The following ZNF254 variants were observed in gnomAD, a reference collection of about 807,000 sequenced individuals.
ZNF254 encodes the protein CTD-2017D11.1.
Under a neutral mutation model 12.4 loss-of-function variants are expected in ZNF254, and 10 were observed. The ratio of observed to expected loss-of-function variants is 0.80; its 90% CI spans 0.50 to 1.36. The LOEUF (loss-of-function observed/expected upper bound fraction) is 1.36. ZNF254 is among the 40% of genes most tolerant of loss of function. ZNF254 has a pLI of 0.00. For missense variants in ZNF254, 996 were observed against 763.9 expected (o/e 1.30, Z -3.58); for synonymous variants, 305 against 253.4 (o/e 1.20, Z -1.93).
chr19:24,115,892 T>A (rs553080797), intron 3 of ZNF254, among the ~76,000 whole-genome samples: 2 of 152,278 alleles, frequency 1.3e-5, no homozygotes, highest in East Asian at 3.9e-4. Flanking sequence ...GCAGGCCTGG[T>A]GGTGACAAAG....
At chr19:24,121,018 C>A (rs545717967) in intron 3 of ZNF254, among the ~76,000 whole-genome samples, 19 of 151,268 alleles carry the variant, frequency 1.3e-4, no homozygotes, top group Non-Finnish European at 2.4e-4. Flanking sequence ...GGATTACAGG[C>A]ATGAGCCACA....
chr19:24,042,622 C>T (rs1178972064), intron 1 of ZNF254, among the ~76,000 whole-genome samples: 2 of 151,932 alleles, frequency 1.3e-5, no homozygotes, highest in Non-Finnish European at 2.9e-5. Flanking sequence ...ACCTTAAGAG[C>T]TGTAACACTC....
chr19:24,067,936 A>G, intron 2 of ZNF254, among the ~76,000 whole-genome samples: 1 of 152,104 alleles, frequency 6.6e-6, no homozygotes, highest in East Asian at 1.9e-4. Context: ...ATCAGCCTGT[A>G]CCCTGCCACA....
chr19:24,094,003 A>G lies in ZNF254; in HGVS notation c.30+6666A>G, dbSNP rs76679554. On this transcript the variant is annotated intron_variant, in intron 1 of 3. Transcript: ENST00000357002. The stretch of plus-strand genomic sequence containing the variant: ...TATAGAGATCTTTCACCTTCCTGGT[A>G]TTCGTAGATATTTTATTCTTTTTGT... Among the ~76,000 whole-genome samples the G allele has an allele frequency of 3.0e-3, 450 of 152,194 alleles. 1 individual carries two copies. Among genetic ancestry groups the G allele is most frequent in the African/African-American group, 0.01 (435 of 41,550 alleles).
At chr19:24,109,682 C>G (rs957680205) in intron 3 of ZNF254, among the ~76,000 whole-genome samples, 37 of 150,382 alleles carry the variant, frequency 2.5e-4, no homozygotes, top group African/African-American at 9.0e-4. Flanking sequence ...TCTTTCTTAG[C>G]TAATTTTCTT....
At chr19:24,063,176 C>T (rs1971140397) in intron 2 of ZNF254, among the ~76,000 whole-genome samples, 1 of 152,206 alleles carries the variant, frequency 6.6e-6, no homozygotes. Flanking sequence ...GACCCCTGTA[C>T]TTAGACCCAA....
Position 24,106,550 on chromosome 19 carries a change from A to G in ZNF254, c.160A>G (p.Ile54Val). 1 of 1,576,482 alleles carries G rather than the reference A, an allele frequency of 6.3e-7. No individual in the cohort carries two copies. The highest frequency in any genetic ancestry group is 8.6e-7 in the Non-Finnish European group (1 of 1,158,480). The change falls in exon 3 of 4, where the codon ATT becomes GTT. Residue 54 changes from isoleucine (I) to valine (V), a missense_variant and splice_region_variant. Ile to Val is a conservative substitution (Grantham distance 29). Transcript: ENST00000357002. ...TTTAGTTATTTTTAATAAAACAGGT[A>G]TTGCTGTCTCTAAGCCAGACCTGAT... ...ENYRNLAFLG[I>V]AVSKPDLITC...
At chr19:24,054,607 C>T (rs750273264) in intron 2 of ZNF254, among the ~76,000 whole-genome samples, 2 of 152,306 alleles carry the variant, frequency 1.3e-5, no homozygotes, top group East Asian at 1.9e-4. Context: ...TTATCACCCT[C>T]ACACAGGGAA....
chr19:24,072,554 C>T (rs914911098), intron 2 of ZNF254, among the ~76,000 whole-genome samples: 1 of 152,170 alleles, frequency 6.6e-6, no homozygotes, highest in East Asian at 1.9e-4. Context: ...AAGGCTCTTG[C>T]CTGGGCCCTG....
chr19:24,058,046 A>G (rs532520423), intron 2 of ZNF254, among the ~76,000 whole-genome samples: 7 of 152,294 alleles, frequency 4.6e-5, no homozygotes, highest in Admixed American at 2.0e-4. Flanking sequence ...TGATGTAACT[A>G]TTCTCCTGCC....
intron 3 of ZNF254, chr19:24,107,156 C>A: frequency 3.4e-6 from 2 of 590,074 alleles, no homozygotes; most frequent in South Asian, 4.2e-5. Flanking sequence ...CTGCTTTGTT[C>A]TTTTTCCTCA....
chr19:24,111,607 AG>A (rs1273618568), intron 3 of ZNF254, among the ~76,000 whole-genome samples: 2 of 152,240 alleles, frequency 1.3e-5, no homozygotes, highest in African/African-American at 4.8e-5. Flanking sequence ...CATCTTCTCC[AG>A]CACCTGTTGT....
chr19:24,118,136 T>A (rs894619326), intron 3 of ZNF254, among the ~76,000 whole-genome samples: 8 of 151,146 alleles, frequency 5.3e-5, no homozygotes, highest in Non-Finnish European at 1.0e-4. Flanking sequence ...CACTGCAACC[T>A]CCGCCTCCCG....
At position 24,045,592 on chromosome 19, in the gene ZNF254, C is replaced by T. The variant is rs547327410; in HGVS notation, c.-189-592C>T. Among the ~76,000 whole-genome samples the T allele has an allele frequency of 7.4e-5, 11 of 149,452 alleles. No homozygotes were observed. In the East Asian group the frequency reaches 2.0e-3, roughly 27 times the overall value. On this transcript the variant is annotated intron_variant, in intron 1 of 4. Coordinates refer to the ZNF254 transcript ENST00000613065. ...CTGAGGCAGGAGAATGGCGTGACCC[C>T]GGGACGCGGAGGTTGCAGTGAGCTG...
chr19:24,111,773 G>A (rs1229204688), intron 3 of ZNF254, among the ~76,000 whole-genome samples: 1 of 151,102 alleles, frequency 6.6e-6, no homozygotes, highest in African/African-American at 2.4e-5. Flanking sequence ...GTCTGTTCAT[G>A]TCCTTTGCCC....
rs747267723 is a variant in ZNF254, at chr19:24,106,046, A to G, written c.137A>G (p.Tyr46Cys). The change falls in exon 2 of 4, where the codon TAC (tyrosine) becomes TGC (cysteine). Residue 46 changes from tyrosine to cysteine, a missense_variant. Tyr to Cys is a radical substitution (Grantham distance 194). Coordinates refer to ENST00000357002, the MANE Select transcript of ZNF254 (RefSeq NM_203282.4). The stretch of plus-strand genomic sequence containing the variant: ...TATAGAAATGTGATGTTAGAGAACT[A>G]CAGAAACCTGGCCTTCCTGGGTGAG... The part of the protein sequence containing the change: ...NLYRNVMLEN[Y>C]RNLAFLGIAV... 12 of 1,595,972 alleles carry G rather than the reference A, an allele frequency of 7.5e-6. No individual in the cohort carries two copies. Among genetic ancestry groups the G allele is most frequent in the Middle Eastern group, 1.7e-4 (1 of 5,954 alleles).
At chr19:24,042,467 T>G (rs897840713) in intron 1 of ZNF254, among the ~76,000 whole-genome samples, 2 of 152,160 alleles carry the variant, frequency 1.3e-5, no homozygotes, top group African/African-American at 4.8e-5. Context: ...GCTCACTCTT[T>G]GGGTGCACGC....
chr19:24,081,952 G>A (rs1227459427), intron 2 of ZNF254, among the ~76,000 whole-genome samples: 2 of 151,744 alleles, frequency 1.3e-5, no homozygotes, highest in Non-Finnish European at 2.9e-5. Flanking sequence ...GCGAAACCCC[G>A]TCTCTACTAA....
intron 2 of ZNF254, chr19:24,078,436 T>C (rs139656638): frequency 1.3e-3 from 204 of 152,294 alleles, no homozygotes; most frequent in African/African-American, 4.7e-3. Context: ...TAAATATGAA[T>C]TCTTGGTAAA....
Sources: gnomAD v4.1 joint callset for allele counts (sites outside exome capture counted in the v4.1 genomes callset) on GRCh38, gnomAD v4.1.1 for gene constraint, MANE v1.5 for transcripts, NCBI Gene and HGNC (gene_info 2026-07-23, HGNC 2026-07-21) for gene names.